Variants in MED24 observed in about 807,000 individuals in gnomAD.
The protein encoded by MED24 is mediator complex subunit 24.
MED24 carries 74 observed loss-of-function variants against 118.8 expected under a neutral mutation model. The observed-to-expected ratio is 0.62, with a 90% CI of 0.52 to 0.76. The LOEUF (loss-of-function observed/expected upper bound fraction) is 0.76, where lower values mean the gene tolerates loss of function less well. Ranked by LOEUF, MED24 falls within the 30% of genes least tolerant of loss-of-function variation. The pLI, the probability that MED24 is intolerant of heterozygous loss-of-function variation, is 0.00. For synonymous variants in MED24, 521 were observed against 523.9 expected (o/e 0.99, Z 0.08); for missense variants, 1,041 against 1,278.9 (o/e 0.81, Z 2.84).
Position 40,029,852 on chromosome 17 carries a change from C to A in MED24, c.1162G>T (p.Asp388Tyr), listed in dbSNP as rs1161613729. ...VNNLMAKRKA[D>Y]REHAPQQKSG... is the part of the protein sequence containing the mutation. ...TTCTGCTGGGGTGCGTGCTCTCGGT[C>A]CGCTTTGCTGTGGACATCACCAGTT... The change falls in exon 13 of 26, where the codon GAC becomes TAC. Residue 388 changes from aspartate to tyrosine, a missense_variant. By Grantham distance (160) the Asp-to-Tyr change is radical. Around this residue, in one of 3 missense-constraint regions of MED24, gnomAD observed 434 missense variants for 514.9 expected, o/e 0.84. Coordinates refer to ENST00000394128, the MANE Select transcript of MED24 (RefSeq NM_014815.4). The A allele has an allele frequency of 6.2e-7, 1 of 1,614,044 alleles. No homozygotes were observed.
intron 19 of MED24, among the ~76,000 whole-genome samples, chr17:40,024,617 T>TA (rs780223192): frequency 3.3e-5 from 5 of 152,214 alleles, no homozygotes; most frequent in African/African-American, 7.2e-5. Context: ...TATTAGCTGG[T>TA]AAACACCCAT....
In MED24 at chr17:40,026,260, G is replaced by A; in HGVS notation, c.1881C>T (p.His627=). 8 of 1,614,168 alleles carry A rather than the reference G, an allele frequency of 5.0e-6. No individual in the cohort carries two copies. The highest frequency in any genetic ancestry group is 3.3e-4 in the Middle Eastern group (2 of 6,062). The change falls in exon 19 of 26, where the codon CAC becomes CAT. Residue 627 remains histidine, a synonymous_variant. Transcript: ENST00000394128. ...AVCAVAWLVA[H]VRMLGLDERE... is the part of the protein sequence containing the mutation. ...GCTCATCCAGCCCCAGCATCCGGAC[G>A]TGGGCCACAAGCCAAGCCACAGCAC...
intron 19 of MED24, among the ~76,000 whole-genome samples, chr17:40,024,146 G>C (rs1193898028): frequency 2.0e-5 from 3 of 151,962 alleles, no homozygotes; most frequent in African/African-American, 7.3e-5. Context: ...AATGAGAGAA[G>C]AAAGGAAAAA....
In MED24 at chr17:40,023,251, C is replaced by T; in HGVS notation, c.2130G>A (p.Val710=). ...GCACCTTGGCAAAAATGTCCGTCAGCACCTCTTTGATGGGCCGCTTGGGGG... is the reference window on the plus strand; with the variant it reads ...GCACCTTGGCAAAAATGTCCGTCAGTACCTCTTTGATGGGCCGCTTGGGGG... ...LLPPKRPIKE[V]LTDIFAKVLE... Residue 710 remains valine, a synonymous_variant, in exon 20 of 26, where the codon GTG becomes GTA. Transcript: ENST00000394128. The T allele has an allele frequency of 6.2e-7, 1 of 1,614,206 alleles. No individual in the cohort carries two copies. The highest frequency in any genetic ancestry group is 1.1e-5 in the South Asian group (1 of 91,088).
chr17:40,026,167 G>A lies in MED24; in HGVS notation c.1974C>T (p.Phe658=), dbSNP rs770886980. 2 of 1,613,468 alleles carry A rather than the reference G, an allele frequency of 1.2e-6. No individual in the cohort carries two copies. Among genetic ancestry groups the A allele is most frequent in the Non-Finnish European group, 1.7e-6 (2 of 1,179,558 alleles). Reference sequence around the variant, plus strand: ...GGCAGGTTACCGACCTCTCATTGTAGAACTGCAGGGTGTTCTCACTAAACA... The same window carrying A: ...GGCAGGTTACCGACCTCTCATTGTAAAACTGCAGGGTGTTCTCACTAAACA... ...GPLFSENTLQ[F]YNERVVIMNS... is the part of the protein sequence containing the mutation. Residue 658 remains phenylalanine (F), a synonymous_variant, in exon 19 of 26, where the codon TTC becomes TTT. Coordinates refer to ENST00000394128, the MANE Select transcript of MED24 (RefSeq NM_014815.4).
At chr17:40,029,003 C>T (rs372968699) in intron 13 of MED24, 35 bp from the exon 14 acceptor site, 1 of 1,613,846 alleles carries the variant, frequency 6.2e-7, no homozygotes, top group Non-Finnish European at 8.5e-7. Flanking sequence ...TCCTGAAGAA[C>T]ACTGAAGACC....
chr17:40,028,114 GTTTTTTT>G (rs373788946), intron 14 of MED24, 168 bp from the exon 15 acceptor site: 2 of 596,928 alleles, frequency 3.4e-6, no homozygotes, highest in East Asian at 6.3e-5. Flanking sequence ...TTTGTTTTTT[GTTTTTTT>G]TTTGTTTTTT....
In MED24 at chr17:40,045,564, A is replaced by G. The variant is rs145471158; in HGVS notation, c.213+7734T>C. 5.5e-3 allele frequency among the ~76,000 whole-genome samples: 840 copies of G among 152,274 alleles called. 12 individuals carry two copies. Among genetic ancestry groups the G allele is most frequent in the African/African-American group, 0.019 (801 of 41,560 alleles). ...AACACTCTGGGAGGCCAAGGTGGGT[A>G]GATTGAGCTCAAGAGTTCAAGATGA... On this transcript the variant is annotated intron_variant, in intron 3 of 25. Transcript: ENST00000394128.
intron 5 of MED24, 112 bp from the exon 6 acceptor site, chr17:40,035,461 A>G (rs1445966784): frequency 8.4e-7 from 1 of 1,185,892 alleles, no homozygotes; most frequent in Non-Finnish European, 1.2e-6. Context: ...AGGGCTGAGA[A>G]GCTAGCAAAG....
Position 40,033,439 on chromosome 17 carries a change from C to A in MED24, c.577G>T (p.Glu193Ter). 6.3e-7 allele frequency: 1 copy of A among 1,596,984 alleles called. No individual in the cohort carries two copies. Among genetic ancestry groups the A allele is most frequent in the Non-Finnish European group, 8.5e-7 (1 of 1,171,256 alleles). The change falls in exon 7 of 26, where the codon GAG (glutamate) becomes TAG (stop). Residue 193 changes from glutamate to a stop codon, truncating the protein, a stop_gained. Coordinates refer to ENST00000394128, the MANE Select transcript of MED24 (RefSeq NM_014815.4). LOFTEE classifies it high-confidence loss of function. This position sits in a 1 kb window ranked among gnomAD's most constrained non-coding sequence, Gnocchi z 5.2. ...LEEASSWTAI[E>*]HSLLKLGEIL... is the part of the protein sequence containing the mutation. The stretch of plus-strand genomic sequence containing the variant: ...TCTCCAAGTTTCAAGAGAGAATGCT[C>A]GATGGCAGTCCAAGAAGCTGGCAGA...
intron 15 of MED24, 81 bp from the exon 16 acceptor site, chr17:40,027,546 C>T: frequency 7.1e-7 from 1 of 1,399,156 alleles, no homozygotes; most frequent in Non-Finnish European, 9.9e-7. Context: ...TCGGGATTTG[C>T]CTCTAGGAAG....
chr17:40,052,713 T>G (rs1368980620), intron 3 of MED24, among the ~76,000 whole-genome samples: 1 of 152,116 alleles, frequency 6.6e-6, no homozygotes, highest in African/African-American at 2.4e-5. Context: ...GCAAGCCTCC[T>G]ACCTCCACCT....
intron 3 of MED24, among the ~76,000 whole-genome samples, chr17:40,036,687 A>G (rs1455225058): frequency 3.5e-5 from 1 of 28,726 alleles, no homozygotes; most frequent in Non-Finnish European, 8.4e-5. Context: ...ACTCTGTCTC[A>G]AAAAAAAAAA....
At chr17:40,037,639 T>C (rs1161317144) in intron 3 of MED24, among the ~76,000 whole-genome samples, 5 of 152,182 alleles carry the variant, frequency 3.3e-5, no homozygotes, top group South Asian at 2.1e-4. Context: ...TGGCCAGGTG[T>C]GGTGGCTCAC....
chr17:40,046,755 C>CAAG (rs1308552572), intron 3 of MED24, among the ~76,000 whole-genome samples: 1 of 144,344 alleles, frequency 6.9e-6, no homozygotes, highest in African/African-American at 2.8e-5. Context: ...CAAAAAAAAA[C>CAAG]AAGAAGAAGA....
At position 40,019,619 on chromosome 17, in the gene MED24, G is replaced by C; in HGVS notation, c.2880C>G (p.Ala960=). ...TTVSELVKVS[A]MSSPKVVLAI... ...CCAGAACCACCTTGGGGCTGGACATGGCTGACACCTTCACCAGTTCCGACA... is the reference window on the plus strand; with the variant it reads ...CCAGAACCACCTTGGGGCTGGACATCGCTGACACCTTCACCAGTTCCGACA... The change falls in exon 26 of 26, where the codon GCC becomes GCG. Residue 960 remains alanine (A), a synonymous_variant. Transcript: ENST00000394128. 6.2e-7 allele frequency: 1 copy of C among 1,602,882 alleles called. No individual in the cohort carries two copies.
chr17:40,040,671 T>A (rs529629047), intron 3 of MED24, among the ~76,000 whole-genome samples: 1 of 151,532 alleles, frequency 6.6e-6, no homozygotes, highest in South Asian at 2.1e-4. Context: ...CAGGCTGGAG[T>A]GCAGTAGCGC....
At chr17:40,051,508 G>T (rs1437640601) in intron 3 of MED24, among the ~76,000 whole-genome samples, 1 of 152,106 alleles carries the variant, frequency 6.6e-6, no homozygotes, top group East Asian at 1.9e-4. Flanking sequence ...CAGCTACTCA[G>T]GAGGCTGAGG....
intron 17 of MED24, 35 bp downstream of exon 17, chr17:40,026,821 C>A (rs756400726): frequency 6.2e-7 from 1 of 1,611,034 alleles, no homozygotes; most frequent in South Asian, 1.1e-5. Context: ...CCTGCCCCCA[C>A]CGCCACCCTT....
Sources: allele counts gnomAD v4.1 joint callset (sites outside exome capture counted in the v4.1 genomes callset), GRCh38; gene constraint gnomAD v4.1.1; regional missense constraint gnomAD v4.1.1; non-coding constraint Gnocchi (gnomAD v3.1); transcripts MANE v1.5; gene names NCBI Gene and HGNC (gene_info 2026-07-23, HGNC 2026-07-21).